Variants in RC3H2 observed in about 807,000 individuals in gnomAD.
RC3H2 encodes the protein ring finger and CCCH-type domains 2.
In RC3H2, 31 loss-of-function variants were observed where a neutral mutation model predicts 133.3. That is an observed-to-expected ratio of 0.23 (90% CI 0.17 to 0.31). The LOEUF is 0.31. Among genes scored for constraint, RC3H2 ranks in the 10% least tolerant of loss-of-function variants. RC3H2 has a pLI of 1.00. For missense variants in RC3H2, 1,175 were observed against 1,437.2 expected (o/e 0.82, Z 2.95); for synonymous variants, 517 against 502.2 (o/e 1.03, Z -0.40).
intron 9 of RC3H2, among the ~76,000 whole-genome samples, chr9:122,868,872 TG>T (rs1830904718): frequency 1.6e-5 from 1 of 62,050 alleles, no homozygotes; most frequent in Admixed American, 1.8e-4. Flanking sequence ...TGTGTGTGTG[TG>T]TGTGTGTGTG....
chr9:122,889,317 T>C (rs1320059689), intron 4 of RC3H2, among the ~76,000 whole-genome samples: 1 of 152,158 alleles, frequency 6.6e-6, no homozygotes, highest in Non-Finnish European at 1.5e-5. Flanking sequence ...ATATATTCTT[T>C]TATTGGTTTT....
At position 122,851,119 on chromosome 9, in the gene RC3H2, C is replaced by T. The variant is rs200840595; in HGVS notation, c.3342G>A (p.Lys1114=). 6.2e-7 allele frequency: 1 copy of T among 1,614,168 alleles called. No homozygotes were observed. The highest frequency in any genetic ancestry group is 1.1e-5 in the South Asian group (1 of 91,084). ...CTTCACCTAAACTCTGTTTCTTCTG[C>T]TTTGGTGGCTCCTTTTGGTGCTGCT... The part of the protein sequence containing the change: ...PVQQHQKEPP[K]QKKQSLGEDH... The change falls in exon 20 of 21, where the codon AAG becomes AAA. Residue 1114 remains lysine, a synonymous_variant. Coordinates refer to ENST00000357244, the MANE Select transcript of RC3H2 (RefSeq NM_001100588.3).
chr9:122,871,987 A>G (rs180980114), intron 9 of RC3H2, among the ~76,000 whole-genome samples: 1 of 151,824 alleles, frequency 6.6e-6, no homozygotes, highest in East Asian at 1.9e-4. Flanking sequence ...TATGTTGCCC[A>G]GGCTGGTCAC....
chr9:122,881,735 C>T (rs184340058), intron 5 of RC3H2, among the ~76,000 whole-genome samples: 1 of 152,290 alleles, frequency 6.6e-6, no homozygotes, highest in East Asian at 1.9e-4. Flanking sequence ...TCTAGGCTCG[C>T]TGTAGCCTTG....
intron 9 of RC3H2, chr9:122,875,387 CATTTAA>C: frequency 6.5e-7 from 1 of 1,532,202 alleles, no homozygotes; most frequent in Non-Finnish European, 8.8e-7. Flanking sequence ...GATAGACAAA[CATTTAA>C]TAAACAGATC....
intron 9 of RC3H2, among the ~76,000 whole-genome samples, chr9:122,866,867 T>C (rs1176269292): frequency 1.4e-5 from 2 of 145,022 alleles, no homozygotes; most frequent in African/African-American, 5.1e-5. Context: ...TGGCCGCCTA[T>C]CGTCTGGGAC....
chr9:122,857,592 T>C (rs537344464), intron 13 of RC3H2, among the ~76,000 whole-genome samples: 3 of 152,334 alleles, frequency 2.0e-5, no homozygotes, highest in Admixed American at 2.0e-4. Flanking sequence ...TTAAATAAAA[T>C]AGCTTTATGC....
At chr9:122,861,683 C>T (rs893537819) in intron 10 of RC3H2, among the ~76,000 whole-genome samples, 8 of 152,072 alleles carry the variant, frequency 5.3e-5, no homozygotes, top group Non-Finnish European at 1.2e-4. Flanking sequence ...TACATTGCAT[C>T]TCAACCAGAT....
At chr9:122,865,726 T>C (rs751225211) in intron 9 of RC3H2, 69 bp from the exon 10 acceptor site, 4 of 1,334,402 alleles carry the variant, frequency 3.0e-6, no homozygotes, top group Non-Finnish European at 3.1e-6. Context: ...AAAATGGCAA[T>C]GGGCAATGGG....
In RC3H2 at chr9:122,894,342, C is replaced by G. The variant is rs192507817; in HGVS notation, c.232-1316G>C. ...ATGCACTGGACACAGTTATAGGTAC[C>G]AGGGATATATCAATGAGCAAAACAG... On this transcript the variant is annotated intron_variant, in intron 2 of 20. Transcript: ENST00000357244. Among the ~76,000 whole-genome samples, 445 of 151,986 alleles carry G rather than the reference C, an allele frequency of 2.9e-3. 2 individuals are homozygous for G. The highest frequency in any genetic ancestry group is 0.01 in the African/African-American group (420 of 41,454).
At chr9:122,879,662 A>T (rs1831514894) in intron 8 of RC3H2, 93 bp downstream of exon 8, 2 of 815,606 alleles carry the variant, frequency 2.5e-6, no homozygotes, top group Non-Finnish European at 4.0e-6. Flanking sequence ...TGAGTCACAT[A>T]CGGAGTCCAA....
At chr9:122,873,013 ATTTAT>A (rs911739300) in intron 9 of RC3H2, among the ~76,000 whole-genome samples, 2 of 152,212 alleles carry the variant, frequency 1.3e-5, no homozygotes, top group East Asian at 1.9e-4. Context: ...TATTCTACAT[ATTTAT>A]TTTATGTTTA....
At position 122,858,300 on chromosome 9, in the gene RC3H2, T is replaced by A. The variant is rs1164445789; in HGVS notation, c.2284-207A>T. Among the ~76,000 whole-genome samples the A allele has an allele frequency of 2.6e-5, 4 of 152,358 alleles. No homozygotes were observed. In the East Asian group the frequency reaches 7.7e-4, roughly 29 times the overall value. On this transcript the variant is annotated intron_variant, in intron 12 of 20. Transcript: ENST00000357244. ...TAAACGCAGAATCTGAGCACTCACTTTTCTTGCTTAGGGAAGTCATTTGTA... is the reference window on the plus strand; with the variant it reads ...TAAACGCAGAATCTGAGCACTCACTATTCTTGCTTAGGGAAGTCATTTGTA...
In RC3H2 at chr9:122,845,854, T is replaced by G. The variant is rs1829858345; in HGVS notation, c.*3773A>C. The G allele has an allele frequency of 6.6e-6, 1 of 152,182 alleles. No homozygotes were observed. The highest frequency in any genetic ancestry group is 1.5e-5 in the Non-Finnish European group (1 of 68,032). 9.4% of individuals were successfully genotyped at this position (152,182 alleles called of 1,614,324 possible). A position where few individuals can be genotyped will look rare whatever the true frequency, so the allele number is the denominator to read the frequency against. The stretch of plus-strand genomic sequence containing the variant: ...TCATTCACTAAAACAAAAGAAAAGT[T>G]CTTCCAGGAAACCAATGCATAGTTG... On this transcript the variant is annotated 3_prime_UTR_variant, in exon 21 of 21. Coordinates refer to ENST00000357244, the MANE Select transcript of RC3H2 (RefSeq NM_001100588.3).
intron 5 of RC3H2, among the ~76,000 whole-genome samples, chr9:122,882,500 C>T (rs918399561): frequency 1.3e-5 from 2 of 152,180 alleles, no homozygotes; most frequent in African/African-American, 4.8e-5. Flanking sequence ...GTTTTACTTT[C>T]ATAGAAGCCA....
chr9:122,890,188 T>C (rs1832103348), intron 4 of RC3H2, 124 bp downstream of exon 4: 1 of 735,930 alleles, frequency 1.4e-6, no homozygotes, highest in Non-Finnish European at 2.3e-6. Flanking sequence ...CAAATTTATC[T>C]TTAATTATAT....
chr9:122,893,245 G>A (rs539071260), intron 2 of RC3H2, among the ~76,000 whole-genome samples: 15 of 152,306 alleles, frequency 9.8e-5, no homozygotes, highest in African/African-American at 3.6e-4. Context: ...CGTAATCCCA[G>A]CACTTTGGGA....
chr9:122,879,440 A>G (rs117678776), intron 8 of RC3H2, among the ~76,000 whole-genome samples: 4,801 of 152,254 alleles, frequency 0.032, 100 homozygotes, highest in Non-Finnish European at 0.046. Flanking sequence ...ACATATAGAA[A>G]TTCAATACAG....
At chr9:122,860,345 A>G (rs1319148897) in intron 10 of RC3H2, among the ~76,000 whole-genome samples, 1 of 151,754 alleles carries the variant, frequency 6.6e-6, no homozygotes, top group African/African-American at 2.4e-5. Context: ...TGTGTGGGCC[A>G]CAGGGAATAA....
Sources: allele counts gnomAD v4.1 joint callset (sites outside exome capture counted in the v4.1 genomes callset), GRCh38; gene constraint gnomAD v4.1.1; transcripts MANE v1.5; gene names NCBI Gene and HGNC (gene_info 2026-07-23, HGNC 2026-07-21).